TENM4: variants seen among roughly 807,000 people sequenced by gnomAD.
The protein encoded by TENM4 is teneurin transmembrane protein 4.
TENM4 carries 82 observed loss-of-function variants against 243.3 expected under a neutral mutation model. The ratio of observed to expected loss-of-function variants is 0.34; its 90% CI spans 0.28 to 0.40. The LOEUF (loss-of-function observed/expected upper bound fraction) is 0.40, where lower values mean the gene tolerates loss of function less well. Among genes scored for constraint, TENM4 ranks in the 10% least tolerant of loss-of-function variants. The pLI is 1.00. For missense variants in TENM4, 3,138 were observed against 3,673.3 expected (o/e 0.85, Z 3.77); for synonymous variants, 1,412 against 1,456.3 (o/e 0.97, Z 0.69).
intron 23 of TENM4, among the ~76,000 whole-genome samples, chr11:78,723,362 A>G (rs1421821593): frequency 1.3e-5 from 2 of 152,234 alleles, no homozygotes; most frequent in Non-Finnish European, 2.9e-5. Context: ...AATTGATACC[A>G]TTTCAAGTGT....
At chr11:78,815,277 T>A (rs1246805886) in intron 12 of TENM4, among the ~76,000 whole-genome samples, 2 of 151,988 alleles carry the variant, frequency 1.3e-5, no homozygotes, top group African/African-American at 4.8e-5. Context: ...TCCCAGCTAC[T>A]CAGGAGGATG....
intron 4 of TENM4, among the ~76,000 whole-genome samples, chr11:79,079,073 G>C (rs1010478827): frequency 6.6e-6 from 1 of 152,252 alleles, no homozygotes; most frequent in African/African-American, 2.4e-5. Flanking sequence ...CGCTTTTACA[G>C]CTGCTGCTTG....
At chr11:78,744,884 GT>G (rs138140679) in intron 19 of TENM4, among the ~76,000 whole-genome samples, 19,127 of 152,166 alleles carry the variant, frequency 0.13, 1,240 homozygotes, top group Middle Eastern at 0.17. Context: ...GAATCTCTTA[GT>G]TAACTTTTTG....
At chr11:78,874,600 G>T (rs1371419371) in intron 9 of TENM4, among the ~76,000 whole-genome samples, 1 of 152,158 alleles carries the variant, frequency 6.6e-6, no homozygotes, top group African/African-American at 2.4e-5. Context: ...TCTAGGTAAA[G>T]AAAAGTGCTA....
chr11:78,928,984 G>A (rs1384776417), intron 6 of TENM4, among the ~76,000 whole-genome samples: 1 of 152,212 alleles, frequency 6.6e-6, no homozygotes, highest in African/African-American at 2.4e-5. Context: ...CGAGAGCAGA[G>A]TGAATTGTGA....
chr11:79,219,925 C>T (rs1864125674), intron 2 of TENM4, among the ~76,000 whole-genome samples: 1 of 152,248 alleles, frequency 6.6e-6, no homozygotes, highest in African/African-American at 2.4e-5. Context: ...AACAACAACA[C>T]TGACTGCAGA....
rs545570693 is a variant in TENM4, at chr11:79,358,860, G to A, written c.-320-61317C>T. ...TGAACAACCACTATGGGCCAGGCAC[G>A]GAGCTAGATACTGATGATAGTGTAG... On this transcript the variant is annotated intron_variant, in intron 1 of 33. Transcript: ENST00000278550. Among the ~76,000 whole-genome samples, 35 of 152,088 alleles carry A rather than the reference G, an allele frequency of 2.3e-4. No homozygotes were observed. In the South Asian group the frequency reaches 5.2e-3, roughly 23 times the overall value.
chr11:79,217,343 G>A (rs1347346214), intron 2 of TENM4, among the ~76,000 whole-genome samples: 1 of 152,008 alleles, frequency 6.6e-6, no homozygotes, highest in East Asian at 1.9e-4. Context: ...ACTACAAAAT[G>A]CCTTATTATA....
intron 20 of TENM4, 103 bp downstream of exon 20, chr11:78,738,347 TC>T: frequency 6.8e-7 from 1 of 1,461,924 alleles, no homozygotes; most frequent in Non-Finnish European, 9.1e-7. Context: ...GCCCTCTGAA[TC>T]CAAGACCCAT....
intron 9 of TENM4, among the ~76,000 whole-genome samples, chr11:78,864,997 G>A (rs1858932657): frequency 6.6e-6 from 1 of 152,306 alleles, no homozygotes; most frequent in Admixed American, 6.5e-5. Context: ...AAGGCCCATA[G>A]TAATTGTATT....
chr11:78,777,316 G>A (rs530341885), intron 17 of TENM4, among the ~76,000 whole-genome samples: 9 of 152,150 alleles, frequency 5.9e-5, no homozygotes, highest in Non-Finnish European at 1.2e-4. Flanking sequence ...GATCCTATGC[G>A]ACACCTTTGC....
intron 6 of TENM4, among the ~76,000 whole-genome samples, chr11:79,018,610 G>C (rs1337229877): frequency 6.6e-6 from 1 of 152,090 alleles, no homozygotes; most frequent in Non-Finnish European, 1.5e-5. Context: ...TCTCTGTCTC[G>C]GTAGGAAAGA....
At chr11:79,434,031 C>A (rs374613966) in intron 1 of TENM4, among the ~76,000 whole-genome samples, 2 of 152,202 alleles carry the variant, frequency 1.3e-5, no homozygotes, top group South Asian at 2.1e-4. Context: ...GGACTTCCCC[C>A]ACTGGTTCCA....
chr11:79,001,320 T>A (rs1391155554), intron 6 of TENM4, among the ~76,000 whole-genome samples: 1 of 152,064 alleles, frequency 6.6e-6, no homozygotes, highest in Non-Finnish European at 1.5e-5. Context: ...GAAGGGAGGA[T>A]GCAGATGCTG....
chr11:79,342,080 G>A (rs1857251023), intron 1 of TENM4, among the ~76,000 whole-genome samples: 2 of 152,164 alleles, frequency 1.3e-5, no homozygotes, highest in South Asian at 4.1e-4. Flanking sequence ...CTGGGTGGGT[G>A]GTCTTTCCCC....
intron 2 of TENM4, among the ~76,000 whole-genome samples, chr11:79,246,581 C>T (rs539051413): frequency 3.5e-4 from 53 of 152,226 alleles, no homozygotes; most frequent in Admixed American, 2.6e-4. Flanking sequence ...GATGGGGTAT[C>T]ACAAAGGAAC....
intron 23 of TENM4, among the ~76,000 whole-genome samples, chr11:78,725,196 A>G (rs776537736): frequency 2.0e-5 from 3 of 152,204 alleles, no homozygotes; most frequent in Non-Finnish European, 4.4e-5. Context: ...GGATAGCTTA[A>G]TATCTGGTGA....
rs1565317788 is a variant in TENM4 at position 78,658,830 on chromosome 11, A to G, written c.7552-14T>C. ...CCCGAGGATAGACTGATGGGGGAGG[A>G]GAGTGAGAGAGAGAGTAAGACAAAG... On this transcript the variant is annotated splice_polypyrimidine_tract_variant and intron_variant, in intron 33 of 33. Transcript: ENST00000278550. 2 of 1,598,888 alleles carry G rather than the reference A, an allele frequency of 1.3e-6. No homozygotes were observed. Among genetic ancestry groups the G allele is most frequent in the Non-Finnish European group, 1.7e-6 (2 of 1,169,810 alleles).
chr11:79,139,962 C>T (rs552268129), intron 4 of TENM4, among the ~76,000 whole-genome samples: 3 of 150,610 alleles, frequency 2.0e-5, no homozygotes, highest in Non-Finnish European at 4.4e-5. Context: ...CTTATGTCCG[C>T]TTACATCTTT....
Sources: allele counts gnomAD v4.1 joint callset (sites outside exome capture counted in the v4.1 genomes callset), GRCh38; gene constraint gnomAD v4.1.1; transcripts MANE v1.5; gene names NCBI Gene and HGNC (gene_info 2026-07-23, HGNC 2026-07-21).